The following STT3B variants were observed in gnomAD, a reference collection of about 807,000 sequenced individuals.
The protein encoded by STT3B is dolichyl-diphosphooligosaccharide--protein glycosyltransferase subunit STT3B.
A neutral mutation model predicts 96.8 loss-of-function variants in STT3B; 29 were observed. The observed-to-expected ratio is 0.30, with a 90% confidence interval of 0.22 to 0.41. The LOEUF (loss-of-function observed/expected upper bound fraction) is 0.41. Among genes scored for constraint, STT3B ranks in the 10% least tolerant of loss-of-function variants. The pLI is 1.00. For synonymous variants in STT3B, 367 were observed against 360.0 expected (o/e 1.02, Z -0.22); for missense variants, 640 against 1,022.3 (o/e 0.63, Z 5.10).
chr3:31,559,454 T>C (rs1309141793), intron 1 of STT3B, among the ~76,000 whole-genome samples: 1 of 152,022 alleles, frequency 6.6e-6, no homozygotes, highest in Non-Finnish European at 1.5e-5. Flanking sequence ...ATTTTTTCCT[T>C]CACCCAGTGG....
intron 15 of STT3B, among the ~76,000 whole-genome samples, chr3:31,635,284 A>G (rs147389249): frequency 7.2e-5 from 11 of 152,314 alleles, no homozygotes; most frequent in Non-Finnish European, 1.6e-4. Context: ...GTGGGGTTCT[A>G]ACATAAATAT....
intron 1 of STT3B, among the ~76,000 whole-genome samples, chr3:31,572,106 A>AT (rs1698171006): frequency 7.1e-6 from 1 of 141,726 alleles, no homozygotes; most frequent in African/African-American, 2.6e-5. Context: ...TATTAAATAT[A>AT]TATATTATAT....
At chr3:31,592,753 G>A (rs945715445) in intron 3 of STT3B, among the ~76,000 whole-genome samples, 2 of 152,094 alleles carry the variant, frequency 1.3e-5, no homozygotes, top group Admixed American at 1.3e-4. Context: ...GGGTATTCAC[G>A]GTGACTTTCT....
intron 1 of STT3B, among the ~76,000 whole-genome samples, chr3:31,550,446 CAG>C (rs543518016): frequency 2.2e-3 from 331 of 152,234 alleles, no homozygotes; most frequent in African/African-American, 7.5e-3. Flanking sequence ...GTTGCAAGAG[CAG>C]AGAGAGAGGT....
chr3:31,598,067 C>A (rs564034958), intron 4 of STT3B, among the ~76,000 whole-genome samples: 11 of 152,064 alleles, frequency 7.2e-5, no homozygotes, highest in Middle Eastern at 3.4e-3. Flanking sequence ...AACTCCTGAC[C>A]TCAAGTGATC....
intron 2 of STT3B, 133 bp from the exon 3 acceptor site, chr3:31,579,676 A>G (rs1698341209): frequency 1.5e-6 from 1 of 677,550 alleles, no homozygotes; most frequent in African/African-American, 1.8e-5. Flanking sequence ...GTTTATAAAG[A>G]AGGCAAATTG....
chr3:31,600,605 G>C, intron 5 of STT3B, 146 bp downstream of exon 5: 1 of 402,718 alleles, frequency 2.5e-6, no homozygotes, highest in Non-Finnish European at 4.4e-6. Context: ...TATTGATAAG[G>C]TCAGGCATTT....
chr3:31,563,703 T>C (rs1697934083), intron 1 of STT3B, among the ~76,000 whole-genome samples: 1 of 152,228 alleles, frequency 6.6e-6, no homozygotes, highest in South Asian at 2.1e-4. Context: ...GGAACAGATA[T>C]AATGCCCCTG....
intron 3 of STT3B, among the ~76,000 whole-genome samples, chr3:31,591,966 A>T (rs1236770025): frequency 6.6e-6 from 1 of 152,146 alleles, no homozygotes; most frequent in Non-Finnish European, 1.5e-5. Flanking sequence ...AACTATGGTA[A>T]AATTGACATA....
At chr3:31,616,052 A>G (rs1174303345) in intron 6 of STT3B, among the ~76,000 whole-genome samples, 1 of 151,946 alleles carries the variant, frequency 6.6e-6, no homozygotes, top group East Asian at 1.9e-4. Flanking sequence ...AAAAGCATAA[A>G]TTTTACATGA....
intron 5 of STT3B, among the ~76,000 whole-genome samples, chr3:31,614,827 A>G (rs1699269001): frequency 6.6e-6 from 1 of 151,936 alleles, no homozygotes. Context: ...AGATCAAAAC[A>G]AACTTGATTC....
At chr3:31,634,805 T>A (rs577395849) in intron 15 of STT3B, among the ~76,000 whole-genome samples, 38 of 152,288 alleles carry the variant, frequency 2.5e-4, no homozygotes, top group African/African-American at 9.1e-4. Flanking sequence ...AGAAAAAGTA[T>A]CCTGTTAGAA....
intron 3 of STT3B, among the ~76,000 whole-genome samples, chr3:31,594,373 G>A (rs1559379013): frequency 6.6e-6 from 1 of 151,876 alleles, no homozygotes; most frequent in Non-Finnish European, 1.5e-5. Flanking sequence ...CCAGTTGAAA[G>A]TCTGGGCCTC....
At chr3:31,542,940 C>G (rs1234211194) in intron 1 of STT3B, among the ~76,000 whole-genome samples, 52 of 152,010 alleles carry the variant, frequency 3.4e-4, no homozygotes, top group Non-Finnish European at 1.5e-4. Context: ...GTGGTAGGCA[C>G]CTGTAATCCC....
At chr3:31,596,034 T>C (rs934917355) in intron 3 of STT3B, among the ~76,000 whole-genome samples, 3 of 152,244 alleles carry the variant, frequency 2.0e-5, no homozygotes, top group Non-Finnish European at 4.4e-5. Context: ...ATCTCCACAG[T>C]ACAGGACTGA....
In STT3B at chr3:31,579,477, T is replaced by TAAAAAAAAA. The variant is rs1173591549; in HGVS notation, c.424-313_424-305dup. 8.5e-4 allele frequency among the ~76,000 whole-genome samples: 57 copies of TAAAAAAAAA among 67,446 alleles called. 3 individuals are homozygous for TAAAAAAAAA. The highest frequency in any genetic ancestry group is 2.7e-3 in the African/African-American group (48 of 17,854). 44.2% of individuals were successfully genotyped at this position (67,446 alleles called of 152,430 possible). A position where few individuals can be genotyped will look rare whatever the true frequency, so the allele number is the denominator to read the frequency against. Reference sequence around the variant, plus strand: ...AAGCTAGACTAAGACCCTGTTTTGATAAAAAAAAAAAAAAAAAAAAAAAAA... The same window carrying TAAAAAAAAA: ...AAGCTAGACTAAGACCCTGTTTTGATAAAAAAAAAAAAAAAAAAAAAAAAAAAAAAAAAA... On this transcript the variant is annotated intron_variant, in intron 2 of 15. Transcript: ENST00000295770.
intron 9 of STT3B, among the ~76,000 whole-genome samples, chr3:31,620,801 A>T (rs138033258): frequency 6.6e-6 from 1 of 152,334 alleles, no homozygotes; most frequent in East Asian, 1.9e-4. Flanking sequence ...AGTGCTAGAA[A>T]CTTGTACAAT....
chr3:31,544,918 C>T (rs375515969), intron 1 of STT3B, among the ~76,000 whole-genome samples: 60 of 152,198 alleles, frequency 3.9e-4, no homozygotes, highest in African/African-American at 1.4e-3. Flanking sequence ...GCCTGGGTGA[C>T]AGAGCAAGAC....
chr3:31,611,601 A>C (rs1333516671), intron 5 of STT3B, among the ~76,000 whole-genome samples: 1 of 152,094 alleles, frequency 6.6e-6, no homozygotes, highest in Non-Finnish European at 1.5e-5. Context: ...AGTTCAAACG[A>C]TTCTCCTGCC....
Sources: allele counts gnomAD v4.1 joint callset (sites outside exome capture counted in the v4.1 genomes callset), GRCh38; gene constraint gnomAD v4.1.1; transcripts MANE v1.5; gene names NCBI Gene and HGNC (gene_info 2026-07-23, HGNC 2026-07-21).